PNPLA7: variants seen among roughly 807,000 people sequenced by gnomAD.
The protein encoded by PNPLA7 is patatin like domain 7, lysophospholipase.
Under a neutral mutation model 161.7 loss-of-function variants are expected in PNPLA7, and 153 were observed. The observed-to-expected ratio is 0.95, with a 90% confidence interval of 0.83 to 1.08. PNPLA7 has a LOEUF of 1.08. Ranked by LOEUF, PNPLA7 falls within the 50% of genes least tolerant of loss-of-function variation. The pLI is 0.00. For synonymous variants in PNPLA7, 809 were observed against 782.1 expected (o/e 1.03, Z -0.57); for missense variants, 1,739 against 1,856.6 (o/e 0.94, Z 1.16).
chr9:137,464,046 C>T, intron 28 of PNPLA7, 80 bp downstream of exon 28: 1 of 1,500,624 alleles, frequency 6.7e-7, no homozygotes. Context: ...CGCGGCCTTC[C>T]CAACCCCTGG....
intron 20 of PNPLA7, among the ~76,000 whole-genome samples, chr9:137,485,899 A>C (rs1360671270): frequency 6.6e-6 from 1 of 152,172 alleles, no homozygotes; most frequent in Non-Finnish European, 1.5e-5. Context: ...AGTCCCCCAG[A>C]GGGTCCCAGG....
At chr9:137,533,668 C>T (rs1835714879) in intron 8 of PNPLA7, among the ~76,000 whole-genome samples, 2 of 142,544 alleles carry the variant, frequency 1.4e-5, no homozygotes, top group South Asian at 4.8e-4. Flanking sequence ...GGGAGCACTC[C>T]CAGACTCCTG....
At chr9:137,530,413 G>A (rs922951519) in intron 8 of PNPLA7, among the ~76,000 whole-genome samples, 36 of 152,330 alleles carry the variant, frequency 2.4e-4, no homozygotes, top group Middle Eastern at 3.4e-3. Context: ...TCTGGCCCTT[G>A]GGGGCCCTTC....
chr9:137,518,016 A>C (rs1588662929), intron 11 of PNPLA7, among the ~76,000 whole-genome samples: 1 of 70,972 alleles, frequency 1.4e-5, no homozygotes, highest in Non-Finnish European at 2.6e-5. Context: ...TCCATCCCCC[A>C]CTCACTCACT....
intron 8 of PNPLA7, among the ~76,000 whole-genome samples, chr9:137,539,623 C>G (rs967248523): frequency 6.6e-6 from 1 of 152,044 alleles, no homozygotes; most frequent in Non-Finnish European, 1.5e-5. Flanking sequence ...GAGCAAAGAT[C>G]ATGCCACTGC....
chr9:137,521,244 A>T (rs975735396), intron 10 of PNPLA7, among the ~76,000 whole-genome samples: 7 of 152,200 alleles, frequency 4.6e-5, no homozygotes, highest in African/African-American at 1.7e-4. Flanking sequence ...CCTACAGAAC[A>T]CAGGTGACCA....
At chr9:137,487,547 G>A (rs990923930) in intron 20 of PNPLA7, among the ~76,000 whole-genome samples, 1 of 152,272 alleles carries the variant, frequency 6.6e-6, no homozygotes, top group Non-Finnish European at 1.5e-5. Context: ...CTGAGCAGCT[G>A]TAAGAGGGAG....
chr9:137,538,373 C>T (rs1836006020), intron 8 of PNPLA7, among the ~76,000 whole-genome samples: 1 of 152,228 alleles, frequency 6.6e-6, no homozygotes, highest in Admixed American at 6.5e-5. Context: ...AGTGAGCACC[C>T]TGGACACCCC....
At chr9:137,479,767 G>A (rs1832118955) in intron 23 of PNPLA7, 2 of 985,436 alleles carry the variant, frequency 2.0e-6, no homozygotes, top group Non-Finnish European at 2.4e-6. Context: ...ATGGCCAGGT[G>A]GAAGGAAGCA....
chr9:137,526,576 C>T (rs549430020), intron 8 of PNPLA7, among the ~76,000 whole-genome samples: 6 of 152,130 alleles, frequency 3.9e-5, no homozygotes, highest in South Asian at 2.1e-4. Context: ...CGCGCCTGGC[C>T]GATTTTCATC....
Position 137,550,291 on chromosome 9 carries a change from C to G in PNPLA7, c.-94G>C. On this transcript the variant is annotated 5_prime_UTR_variant, in exon 1 of 35. Coordinates refer to ENST00000406427, the MANE Select transcript of PNPLA7 (RefSeq NM_001098537.3). ...ACCCGCTCATGCTCACACCTGGACA[C>G]TTTTCCCTGGGTTCCTTTCAAGTCA... 7.2e-7 allele frequency: 1 copy of G among 1,379,370 alleles called. No homozygotes were observed. Among genetic ancestry groups the G allele is most frequent in the Non-Finnish European group, 1.0e-6 (1 of 969,708 alleles). The allele number at this position is 1,379,370 out of a possible 1,614,324, so 85.4% of individuals were successfully genotyped here. A position where few individuals can be genotyped will look rare whatever the true frequency, so the allele number is the denominator to read the frequency against.
At position 137,524,205 on chromosome 9, in the gene PNPLA7, G is replaced by A. The variant is rs1027287918; in HGVS notation, c.748-1348C>T. ...TGTCACATAAATGGAGGCACAGAGT[G>A]TGGAGGCTTCCCTCAGCGGTGTGAC... On this transcript the variant is annotated intron_variant, in intron 8 of 34. Transcript: ENST00000406427. This position sits in a 1 kb window ranked among gnomAD's most constrained non-coding sequence, Gnocchi z 4.4. 2.6e-5 allele frequency among the ~76,000 whole-genome samples: 4 copies of A among 152,270 alleles called. No individual in the cohort carries two copies. The highest frequency in any genetic ancestry group is 1.3e-4 in the Admixed American group (2 of 15,306).
Position 137,543,604 on chromosome 9 carries a change from G to A in PNPLA7, c.366-32C>T. ...GGCAGAGACACACTAGCCTTGAGCA[G>A]ACCAGGCGGGTTCGAAACCCACAGC... On this transcript the variant is annotated intron_variant, in intron 5 of 34. Coordinates refer to ENST00000406427, the MANE Select transcript of PNPLA7 (RefSeq NM_001098537.3). The surrounding 1 kb of genome is among the most constrained non-coding windows in gnomAD (Gnocchi z 6.9). 2 of 1,606,462 alleles carry A rather than the reference G, an allele frequency of 1.2e-6. No homozygotes were observed. The highest frequency in any genetic ancestry group is 1.7e-4 in the Middle Eastern group (1 of 6,024).
Position 137,515,504 on chromosome 9 carries a change from C to T in PNPLA7, c.1100G>A (p.Arg367His), listed in dbSNP as rs1250374930. The change falls in exon 12 of 35, where the codon CGC (arginine) becomes CAC (histidine). Residue 367 changes from arginine to histidine, a missense_variant. Arg to His is a conservative substitution (Grantham distance 29). Coordinates refer to ENST00000406427, the MANE Select transcript of PNPLA7 (RefSeq NM_001098537.3). ...ESCDSDHGGG[R>H]PAAAGPLLKR... Reference sequence around the variant, plus strand: ...CAGCAGGGGCCCAGCAGCTGCCGGGCGGCCGCCCCCGTGATCTGCTGGGGA... The same window carrying T: ...CAGCAGGGGCCCAGCAGCTGCCGGGTGGCCGCCCCCGTGATCTGCTGGGGA... The T allele has an allele frequency of 1.2e-5, 18 of 1,555,486 alleles. No individual in the cohort carries two copies. In the Admixed American group the frequency reaches 2.4e-4, roughly 21 times the overall value.
At chr9:137,538,374 T>C (rs1035479975) in intron 8 of PNPLA7, among the ~76,000 whole-genome samples, 1 of 151,922 alleles carries the variant, frequency 6.6e-6, no homozygotes, top group African/African-American at 2.4e-5. Context: ...GTGAGCACCC[T>C]GGACACCCCG....
At chr9:137,545,294 G>A (rs376232807) in intron 4 of PNPLA7, among the ~76,000 whole-genome samples, 248 of 152,174 alleles carry the variant, frequency 1.6e-3, no homozygotes, top group Non-Finnish European at 2.8e-3. Flanking sequence ...CACACATGCC[G>A]GTAACCAGGG....
chr9:137,482,220 A>G (rs1158026125), intron 21 of PNPLA7, among the ~76,000 whole-genome samples: 8 of 152,220 alleles, frequency 5.3e-5, no homozygotes, highest in East Asian at 1.9e-4. Context: ...GGATCCAGCA[A>G]TCATGCTCCT....
intron 12 of PNPLA7, among the ~76,000 whole-genome samples, chr9:137,510,366 T>TG (rs964280268): frequency 6.6e-6 from 1 of 152,224 alleles, no homozygotes; most frequent in African/African-American, 2.4e-5. Flanking sequence ...CCTGTACACC[T>TG]GGCTCTGCCT....
intron 25 of PNPLA7, among the ~76,000 whole-genome samples, chr9:137,477,799 G>A (rs1832010174): frequency 6.6e-6 from 1 of 152,198 alleles, no homozygotes; most frequent in African/African-American, 2.4e-5. Flanking sequence ...TACTAAACTG[G>A]CCCTAATAAA....
Sources: gnomAD v4.1 joint callset for allele counts (sites outside exome capture counted in the v4.1 genomes callset) on GRCh38, gnomAD v4.1.1 for gene constraint, Gnocchi (gnomAD v3.1) non-coding constraint, MANE v1.5 for transcripts, NCBI Gene and HGNC (gene_info 2026-07-23, HGNC 2026-07-21) for gene names.